GRM1: variants seen among roughly 807,000 people sequenced by gnomAD.
The protein encoded by GRM1 is glutamate metabotropic receptor 1.
A neutral mutation model predicts 90.9 loss-of-function variants in GRM1; 33 were observed. That is an observed-to-expected ratio of 0.36 (90% CI 0.28 to 0.49). GRM1 has a LOEUF of 0.49. Ranked by LOEUF, GRM1 falls within the 20% of genes least tolerant of loss-of-function variation. GRM1 has a pLI of 0.99. For missense variants in GRM1, 1,190 were observed against 1,534.3 expected (o/e 0.78, Z 3.75); for synonymous variants, 700 against 613.2 (o/e 1.14, Z -2.09).
intron 1 of GRM1, among the ~76,000 whole-genome samples, chr6:146,068,506 A>G (rs1266898651): frequency 6.6e-6 from 1 of 151,610 alleles, no homozygotes; most frequent in African/African-American, 2.4e-5. Flanking sequence ...TGAGGGTAAA[A>G]CTAAAATCTG....
chr6:146,170,742 T>C (rs541527065), intron 2 of GRM1, among the ~76,000 whole-genome samples: 10 of 152,244 alleles, frequency 6.6e-5, no homozygotes, highest in African/African-American at 2.4e-4. Context: ...ATAGATACTT[T>C]TAAGACTTTG....
intron 2 of GRM1, among the ~76,000 whole-genome samples, chr6:146,212,362 C>T (rs1779711752): frequency 6.6e-6 from 1 of 152,130 alleles, no homozygotes; most frequent in African/African-American, 2.4e-5. Context: ...TCTTTGCATT[C>T]CCAAAAAGAT....
At chr6:146,042,493 G>A (rs959934237) in intron 1 of GRM1, among the ~76,000 whole-genome samples, 3 of 152,004 alleles carry the variant, frequency 2.0e-5, no homozygotes, top group African/African-American at 7.2e-5. Flanking sequence ...GAGGAGCCAC[G>A]ACAAAGCTGT....
intron 2 of GRM1, among the ~76,000 whole-genome samples, chr6:146,179,761 C>T (rs13209667): frequency 6.6e-6 from 1 of 152,114 alleles, no homozygotes; most frequent in African/African-American, 2.4e-5. Context: ...GTGATCCGCC[C>T]ACCTCGGCCT....
chr6:146,394,025 A>G (rs373977035), intron 6 of GRM1, among the ~76,000 whole-genome samples: 1 of 152,152 alleles, frequency 6.6e-6, no homozygotes, highest in East Asian at 1.9e-4. Flanking sequence ...AGGATTCTCT[A>G]TTTAATAAAT....
intron 1 of GRM1, among the ~76,000 whole-genome samples, chr6:146,074,908 A>G (rs1776133927): frequency 6.6e-6 from 1 of 152,198 alleles, no homozygotes. Context: ...GGGCTGTGGC[A>G]GCTTAGTGAA....
intron 1 of GRM1, among the ~76,000 whole-genome samples, chr6:146,082,823 G>A (rs1011690635): frequency 3.9e-5 from 6 of 152,062 alleles, no homozygotes; most frequent in African/African-American, 1.4e-4. Context: ...ACATTACTTC[G>A]GGCAGTATGG....
chr6:146,374,560 G>A (rs1359987527), intron 5 of GRM1, among the ~76,000 whole-genome samples: 1 of 152,006 alleles, frequency 6.6e-6, no homozygotes, highest in Non-Finnish European at 1.5e-5. Context: ...TTATTGTTCT[G>A]TTAAGGCTTT....
intron 3 of GRM1, among the ~76,000 whole-genome samples, chr6:146,331,264 C>G (rs2114994368): frequency 6.6e-6 from 1 of 152,238 alleles, no homozygotes; most frequent in East Asian, 1.9e-4. Context: ...GTCTCATGCC[C>G]TCTTAGAGCT....
chr6:146,041,833 G>T (rs976888364), intron 1 of GRM1, among the ~76,000 whole-genome samples: 1 of 151,906 alleles, frequency 6.6e-6, no homozygotes, highest in African/African-American at 2.4e-5. Context: ...CACCATTTTG[G>T]TGATGTCATA....
chr6:146,379,430 A>T (rs537597658), intron 5 of GRM1, among the ~76,000 whole-genome samples: 30 of 152,094 alleles, frequency 2.0e-4, no homozygotes, highest in African/African-American at 6.5e-4. Flanking sequence ...TTTCTTTTTA[A>T]TTATTTCAAT....
chr6:146,031,026 G>A (rs1349049905), intron 1 of GRM1, among the ~76,000 whole-genome samples: 4 of 152,112 alleles, frequency 2.6e-5, no homozygotes, highest in Non-Finnish European at 4.4e-5. Flanking sequence ...CTAATGAATG[G>A]ATAGCAGATA....
intron 2 of GRM1, among the ~76,000 whole-genome samples, chr6:146,181,408 T>G (rs1385790244): frequency 6.6e-6 from 1 of 152,154 alleles, no homozygotes; most frequent in Non-Finnish European, 1.5e-5. Context: ...TATTCAAGAT[T>G]AGGAAGAAAA....
chr6:146,240,766 C>T (rs1262794052), intron 2 of GRM1, among the ~76,000 whole-genome samples: 1 of 152,114 alleles, frequency 6.6e-6, no homozygotes, highest in East Asian at 1.9e-4. Context: ...GATGTCTTTA[C>T]AACACGTTTT....
chr6:146,302,971 T>C (rs974738281), intron 2 of GRM1, among the ~76,000 whole-genome samples: 1 of 152,018 alleles, frequency 6.6e-6, no homozygotes, highest in African/African-American at 2.4e-5. Flanking sequence ...CCTAGTGGAT[T>C]TGGAAGCATA....
At chr6:146,176,942 C>G (rs1339502703) in intron 2 of GRM1, among the ~76,000 whole-genome samples, 1 of 152,048 alleles carries the variant, frequency 6.6e-6, no homozygotes, top group African/African-American at 2.4e-5. Context: ...TAACATCTCT[C>G]ATATTAGGGC....
At chr6:146,320,448 A>G (rs899816069) in intron 3 of GRM1, among the ~76,000 whole-genome samples, 2 of 152,122 alleles carry the variant, frequency 1.3e-5, no homozygotes, top group Admixed American at 6.5e-5. Context: ...TGTCTCTGCC[A>G]GATTTTGGTA....
chr6:146,408,329 T>C (rs899290890), intron 7 of GRM1, among the ~76,000 whole-genome samples: 1 of 152,304 alleles, frequency 6.6e-6, no homozygotes, highest in South Asian at 2.1e-4. Context: ...ATAGCAGATG[T>C]CTATCGAGTC....
chr6:146,307,770 T>C (rs1251908817), intron 3 of GRM1, among the ~76,000 whole-genome samples: 1 of 152,192 alleles, frequency 6.6e-6, no homozygotes, highest in Non-Finnish European at 1.5e-5. Flanking sequence ...GCTATTAGTT[T>C]CCATAGAAAC....
Sources: gnomAD v4.1 joint callset for allele counts (sites outside exome capture counted in the v4.1 genomes callset) on GRCh38, gnomAD v4.1.1 for gene constraint, MANE v1.5 for transcripts, NCBI Gene and HGNC (gene_info 2026-07-23, HGNC 2026-07-21) for gene names.